Variants in GALK2 observed in about 807,000 individuals in gnomAD.
The protein encoded by GALK2 is N-acetylgalactosamine kinase.
A neutral mutation model predicts 52.4 loss-of-function variants in GALK2; 36 were observed. That is an observed-to-expected ratio of 0.69 (90% CI 0.53 to 0.91). The LOEUF (loss-of-function observed/expected upper bound fraction) is 0.91. GALK2 is among the 40% of genes least tolerant of loss of function. The pLI is 0.00. For synonymous variants in GALK2, 176 were observed against 199.1 expected (o/e 0.88, Z 0.98); for missense variants, 579 against 559.1 (o/e 1.04, Z -0.36).
intron 8 of GALK2, among the ~76,000 whole-genome samples, chr15:49,299,056 G>A (rs2034731327): frequency 6.6e-6 from 1 of 152,028 alleles, no homozygotes; most frequent in African/African-American, 2.4e-5. Context: ...CTGGTTGGTA[G>A]ATTTTTTATT....
chr15:49,237,711 G>A (rs1415247550), intron 4 of GALK2, among the ~76,000 whole-genome samples: 1 of 151,982 alleles, frequency 6.6e-6, no homozygotes, highest in African/African-American at 2.4e-5. Flanking sequence ...TCCTGACTTC[G>A]TGACCCACCC....
chr15:49,233,788 G>T (rs866638420), intron 3 of GALK2, among the ~76,000 whole-genome samples: 1 of 152,086 alleles, frequency 6.6e-6, no homozygotes, highest in Non-Finnish European at 1.5e-5. Context: ...CCAGGAAGAC[G>T]TCCTCTCTCT....
At chr15:49,298,510 C>G (rs2034681614) in intron 8 of GALK2, among the ~76,000 whole-genome samples, 1 of 152,066 alleles carries the variant, frequency 6.6e-6, no homozygotes, top group Admixed American at 6.6e-5. Flanking sequence ...GGGAATGCCT[C>G]TAGCTTTTGC....
chr15:49,301,568 AG>A (rs1478124315), intron 8 of GALK2, among the ~76,000 whole-genome samples: 3 of 152,290 alleles, frequency 2.0e-5, no homozygotes, highest in East Asian at 3.9e-4. Flanking sequence ...GGAGGACAGA[AG>A]AATTTCTGAG....
chr15:49,211,797 C>T (rs1175275037), intron 2 of GALK2, among the ~76,000 whole-genome samples: 1 of 152,056 alleles, frequency 6.6e-6, no homozygotes, highest in Non-Finnish European at 1.5e-5. Context: ...TCATGAGAAC[C>T]ACACTCAGGA....
intron 2 of GALK2, among the ~76,000 whole-genome samples, chr15:49,206,269 C>CT (rs1051474157): frequency 6.6e-6 from 1 of 151,046 alleles, no homozygotes; most frequent in Non-Finnish European, 1.5e-5. Flanking sequence ...TATTATTATA[C>CT]TTTTTTTAGG....
At chr15:49,307,934 C>T (rs1307947883) in intron 8 of GALK2, among the ~76,000 whole-genome samples, 1 of 151,892 alleles carries the variant, frequency 6.6e-6, no homozygotes, top group African/African-American at 2.4e-5. Context: ...ATGTAAAATG[C>T]TAATTTAATT....
intron 3 of GALK2, chr15:49,367,396 G>A: frequency 7.0e-7 from 1 of 1,422,662 alleles, no homozygotes; most frequent in Non-Finnish European, 9.4e-7. Flanking sequence ...GAAATGTTTT[G>A]AATATTATTT....
intron 5 of GALK2, among the ~76,000 whole-genome samples, chr15:49,269,516 C>G (rs2030050851): frequency 6.6e-6 from 1 of 152,198 alleles, no homozygotes; most frequent in Non-Finnish European, 1.5e-5. Context: ...TTGCAAAGAG[C>G]AAGGAATTTA....
At chr15:49,366,583 T>G in intron 3 of GALK2, 1 of 1,599,384 alleles carries the variant, frequency 6.3e-7, no homozygotes, top group Non-Finnish European at 8.6e-7. Context: ...ATGTGCCATT[T>G]CCAGACGCAT....
intron 1 of GALK2, among the ~76,000 whole-genome samples, chr15:49,183,942 A>G (rs1428211080): frequency 6.6e-6 from 1 of 151,828 alleles, no homozygotes; most frequent in Non-Finnish European, 1.5e-5. Context: ...GTATTCTGCC[A>G]CCGTTGGATG....
intron 3 of GALK2, among the ~76,000 whole-genome samples, chr15:49,232,229 A>G (rs2090541661): frequency 6.6e-6 from 1 of 152,176 alleles, no homozygotes; most frequent in Non-Finnish European, 1.5e-5. Context: ...AGAAACACCA[A>G]GTTTTATGGC....
chr15:49,289,288 G>T (rs773003290), intron 7 of GALK2, among the ~76,000 whole-genome samples: 4 of 152,150 alleles, frequency 2.6e-5, no homozygotes, highest in Non-Finnish European at 5.9e-5. Context: ...ATGAAGAAAA[G>T]GTGTTGAGTC....
chr15:49,320,618 C>T (rs2036797884), intron 9 of GALK2, among the ~76,000 whole-genome samples: 1 of 152,198 alleles, frequency 6.6e-6, no homozygotes, highest in Non-Finnish European at 1.5e-5. Flanking sequence ...TGTGGCTTGC[C>T]TCAGTCATTG....
chr15:49,227,125 A>G (rs1418303916), intron 3 of GALK2, among the ~76,000 whole-genome samples: 1 of 152,106 alleles, frequency 6.6e-6, no homozygotes, highest in African/African-American at 2.4e-5. Context: ...ATGTTTTGTA[A>G]ATTTCTGTTA....
At chr15:49,280,782 G>C (rs576655468) in intron 5 of GALK2, among the ~76,000 whole-genome samples, 1 of 152,220 alleles carries the variant, frequency 6.6e-6, no homozygotes, top group South Asian at 2.1e-4. Context: ...AGAAAAAGGG[G>C]ACACCATGAT....
chr15:49,264,605 A>T (rs972187728), intron 5 of GALK2, among the ~76,000 whole-genome samples: 24 of 152,018 alleles, frequency 1.6e-4, no homozygotes, highest in Non-Finnish European at 2.6e-4. Flanking sequence ...GCTTTGTTCC[A>T]TTGCTGGTGA....
At chr15:49,236,401 A>G (rs574545254) in intron 4 of GALK2, among the ~76,000 whole-genome samples, 1 of 152,324 alleles carries the variant, frequency 6.6e-6, no homozygotes, top group Admixed American at 6.5e-5. Flanking sequence ...AAGAGTTGTT[A>G]AAAGAATTAC....
chr15:49,175,808 AC>A (rs2085403528), intron 1 of GALK2, among the ~76,000 whole-genome samples: 1 of 152,168 alleles, frequency 6.6e-6, no homozygotes, highest in African/African-American at 2.4e-5. Flanking sequence ...CTTATCAGTT[AC>A]TTGCATAAAA....
Sources: gnomAD v4.1 joint callset for allele counts (sites outside exome capture counted in the v4.1 genomes callset) on GRCh38, gnomAD v4.1.1 for gene constraint, MANE v1.5 for transcripts, NCBI Gene and HGNC (gene_info 2026-07-23, HGNC 2026-07-21) for gene names.